The following ADGRV1 variants were observed in gnomAD, a reference collection of about 807,000 sequenced individuals.
ADGRV1 encodes the protein adhesion G protein-coupled receptor V1.
A neutral mutation model predicts 596.2 loss-of-function variants in ADGRV1; 359 were observed. The ratio of observed to expected loss-of-function variants is 0.60; its 90% CI spans 0.55 to 0.66. ADGRV1 has a LOEUF of 0.66. ADGRV1 is among the 30% of genes least tolerant of loss of function. The pLI, the probability that ADGRV1 is intolerant of heterozygous loss-of-function variation, is 0.00. For synonymous variants in ADGRV1, 2,681 were observed against 2,679.2 expected (o/e 1.00, Z -0.02); for missense variants, 7,274 against 7,575.6 (o/e 0.96, Z 1.48).
At chr5:90,648,300 C>T (rs774062954) in intron 17 of ADGRV1, among the ~76,000 whole-genome samples, 1 of 152,158 alleles carries the variant, frequency 6.6e-6, no homozygotes, top group African/African-American at 2.4e-5. Context: ...TGTTTTAACC[C>T]CACTCTTTGG....
At chr5:91,052,096 T>C (rs1480421926) in intron 85 of ADGRV1, among the ~76,000 whole-genome samples, 2 of 152,152 alleles carry the variant, frequency 1.3e-5, no homozygotes, top group African/African-American at 4.8e-5. Context: ...TTAAAATTAA[T>C]CTCCTTTTCT....
At chr5:90,599,679 TC>T (rs1478400649) in intron 1 of ADGRV1, among the ~76,000 whole-genome samples, 1 of 152,198 alleles carries the variant, frequency 6.6e-6, no homozygotes, top group Non-Finnish European at 1.5e-5. Flanking sequence ...CAGAGATTTT[TC>T]CTTAGAGATA....
At position 91,014,525 on chromosome 5, in the gene ADGRV1, GT is replaced by G. The variant is rs566957092; in HGVS notation, c.18152+29012del. ...GGTCCTGGGAGTTTTTTTGTTTTTT[GT>G]TTTTTTTTGGTTGGTAGGCTATTTA... On this transcript the variant is annotated intron_variant, in intron 85 of 89. Coordinates refer to ENST00000405460, the MANE Select transcript of ADGRV1 (RefSeq NM_032119.4). Among the ~76,000 whole-genome samples the G allele has an allele frequency of 1.3e-4, 20 of 148,788 alleles. No homozygotes were observed. In the East Asian group the frequency reaches 1.4e-3, roughly 10 times the overall value.
chr5:90,958,283 C>CAAAAAAAAAAAAAAAAAAAAGAAA (rs1777668222), intron 83 of ADGRV1, among the ~76,000 whole-genome samples: 1 of 72,840 alleles, frequency 1.4e-5, no homozygotes, highest in Non-Finnish European at 2.7e-5. Flanking sequence ...GACCTTGTCT[C>CAAAAAAAAAAAAAAAAAAAAGAAA]AAAAAAAAAA....
At chr5:91,047,335 G>C (rs758307844) in intron 85 of ADGRV1, among the ~76,000 whole-genome samples, 1 of 152,190 alleles carries the variant, frequency 6.6e-6, no homozygotes, top group Non-Finnish European at 1.5e-5. Flanking sequence ...TGTATAAAGA[G>C]AAGTTTGTTA....
intron 83 of ADGRV1, among the ~76,000 whole-genome samples, chr5:90,961,147 A>G (rs897996294): frequency 1.3e-5 from 2 of 152,208 alleles, no homozygotes; most frequent in African/African-American, 2.4e-5. Flanking sequence ...AAAATAGGAT[A>G]GTCTAGGTAT....
intron 42 of ADGRV1, among the ~76,000 whole-genome samples, chr5:90,715,812 G>A (rs1750031085): frequency 1.3e-5 from 2 of 152,052 alleles, no homozygotes; most frequent in African/African-American, 4.8e-5. Flanking sequence ...CATAGGTTCT[G>A]TAAAATGAGA....
At chr5:90,675,583 A>T in intron 24 of ADGRV1, 138 bp downstream of exon 24, 1 of 865,520 alleles carries the variant, frequency 1.2e-6, no homozygotes, top group South Asian at 1.7e-5. Flanking sequence ...CAAAGGCGAG[A>T]GGATTGCTTG....
chr5:91,054,102 TGAGAGAGA>T (rs3079380), intron 85 of ADGRV1, among the ~76,000 whole-genome samples: 4,810 of 126,696 alleles, frequency 0.038, 120 homozygotes, highest in South Asian at 0.11. Context: ...TGTGTGTGTG[TGAGAGAGA>T]GAGAGAGAGA....
chr5:91,057,912 A>T (rs1158780981), intron 85 of ADGRV1, among the ~76,000 whole-genome samples: 1 of 152,186 alleles, frequency 6.6e-6, no homozygotes, highest in Non-Finnish European at 1.5e-5. Flanking sequence ...CTGCCCAGGT[A>T]TTACTAGTGA....
intron 17 of ADGRV1, among the ~76,000 whole-genome samples, chr5:90,648,414 T>G (rs1768106254): frequency 6.6e-6 from 1 of 152,202 alleles, no homozygotes; most frequent in Admixed American, 6.5e-5. Flanking sequence ...TTTTTTTTCC[T>G]TGAACCTTTT....
chr5:90,960,145 A>C (rs1777880257), intron 83 of ADGRV1, among the ~76,000 whole-genome samples: 1 of 118,396 alleles, frequency 8.4e-6, no homozygotes. Context: ...CTCAAAAAAA[A>C]AAAAAAAACA....
chr5:91,109,649 AG>A (rs1792194060), intron 87 of ADGRV1, among the ~76,000 whole-genome samples: 1 of 152,150 alleles, frequency 6.6e-6, no homozygotes, highest in Non-Finnish European at 1.5e-5. Context: ...AGCAGGAAAA[AG>A]CTTATTCCTA....
intron 84 of ADGRV1, among the ~76,000 whole-genome samples, chr5:90,974,921 G>A (rs1158485638): frequency 2.0e-5 from 3 of 152,124 alleles, no homozygotes; most frequent in Admixed American, 6.5e-5. Flanking sequence ...GCAACCTACA[G>A]AATGGTAGAA....
At chr5:90,800,162 T>G (rs1561759403) in intron 70 of ADGRV1, among the ~76,000 whole-genome samples, 3 of 151,806 alleles carry the variant, frequency 2.0e-5, no homozygotes, top group Admixed American at 6.6e-5. Flanking sequence ...TGGGAGAAAA[T>G]TTTTGCAATC....
At chr5:90,823,348 C>T (rs1763770066) in intron 75 of ADGRV1, 77 bp from the exon 76 acceptor site, 2 of 1,397,224 alleles carry the variant, frequency 1.4e-6, no homozygotes, top group African/African-American at 1.4e-5. Flanking sequence ...GAAGAGGTAC[C>T]ATTATTTGAT....
chr5:90,939,267 T>C (rs1775971206), intron 83 of ADGRV1, among the ~76,000 whole-genome samples: 1 of 152,224 alleles, frequency 6.6e-6, no homozygotes, highest in Non-Finnish European at 1.5e-5. Context: ...GTTTCTCTCA[T>C]TAATTAGGTA....
chr5:90,848,636 G>T lies in ADGRV1; in HGVS notation c.17020-1G>T. ...TTTTTATACTTAGATTCTTTTTCCA[G>T]ATAACTACTGAAGGAAAAATTCAAG... is the stretch of plus-strand genomic sequence containing the variant. On this transcript the variant is annotated splice_acceptor_variant, in intron 78 of 89. Transcript: ENST00000405460. LOFTEE classifies it high-confidence loss of function. 1 of 1,452,048 alleles carries T rather than the reference G, an allele frequency of 6.9e-7. No homozygotes were observed. The highest frequency in any genetic ancestry group is 2.6e-5 in the East Asian group (1 of 38,630). 89.9% of individuals were successfully genotyped at this position (1,452,048 alleles called of 1,614,324 possible).
At chr5:91,081,545 A>T (rs917913164) in intron 86 of ADGRV1, among the ~76,000 whole-genome samples, 2 of 152,174 alleles carry the variant, frequency 1.3e-5, no homozygotes, top group African/African-American at 4.8e-5. Context: ...GCACTTTGAG[A>T]GGCCGAGGCA....
Sources: allele counts gnomAD v4.1 joint callset (sites outside exome capture counted in the v4.1 genomes callset), GRCh38; gene constraint gnomAD v4.1.1; transcripts MANE v1.5; gene names NCBI Gene and HGNC (gene_info 2026-07-23, HGNC 2026-07-21).